Variants in ABI3BP observed in about 807,000 individuals in gnomAD.
The protein encoded by ABI3BP is ABI family member 3 binding protein, also known as target of Nesh-SH3.
In ABI3BP, 216 loss-of-function variants were observed where a neutral mutation model predicts 268.6. The observed-to-expected ratio is 0.80, with a 90% CI of 0.72 to 0.90. The LOEUF (loss-of-function observed/expected upper bound fraction) is 0.90, where lower values mean the gene tolerates loss of function less well. ABI3BP is among the 40% of genes least tolerant of loss of function. ABI3BP has a pLI of 0.00. For synonymous variants in ABI3BP, 730 were observed against 730.0 expected, an observed-to-expected ratio of 1.00 and a Z score of 0.00; for missense variants, 2,090 against 2,182.4, an observed-to-expected ratio of 0.96 and a Z score of 0.84.
At chr3:100,794,663 T>TTCTTAAGTATTC (rs1352257322) in intron 54 of ABI3BP, among the ~76,000 whole-genome samples, 1 of 151,950 alleles carries the variant, frequency 6.6e-6, no homozygotes, top group Non-Finnish European at 1.5e-5. Context: ...ATACTTAAAA[T>TTCTTAAGTATTC]TCTTAAGTAT....
chr3:100,992,746 G>A (rs1042185443), intron 1 of ABI3BP, among the ~76,000 whole-genome samples: 2 of 152,172 alleles, frequency 1.3e-5, no homozygotes, highest in African/African-American at 2.4e-5. Context: ...AAAGGGGGGA[G>A]TGTCCTGTCC....
intron 1 of ABI3BP, among the ~76,000 whole-genome samples, chr3:100,935,625 C>A (rs2065742450): frequency 1.3e-5 from 2 of 152,034 alleles, no homozygotes; most frequent in Non-Finnish European, 2.9e-5. Flanking sequence ...GAATGTTTTT[C>A]CATTTGTTTG....
intron 62 of ABI3BP, among the ~76,000 whole-genome samples, chr3:100,767,014 ATTTT>A (rs922750159): frequency 6.6e-6 from 1 of 151,380 alleles, no homozygotes; most frequent in Non-Finnish European, 1.5e-5. Context: ...TTGGGGGAGG[ATTTT>A]TTTTTGTTGG....
chr3:100,763,877 T>C (rs2096120645), intron 63 of ABI3BP, among the ~76,000 whole-genome samples: 1 of 152,174 alleles, frequency 6.6e-6, no homozygotes, highest in African/African-American at 2.4e-5. Context: ...ATAAACAGGC[T>C]CAAATACTAA....
intron 1 of ABI3BP, among the ~76,000 whole-genome samples, chr3:100,946,171 G>C (rs1267129655): frequency 1.3e-5 from 2 of 151,872 alleles, no homozygotes; most frequent in Non-Finnish European, 2.9e-5. Context: ...AGGCATTCGA[G>C]ACCAGCCTGG....
chr3:100,958,602 G>A (rs1330682750), intron 1 of ABI3BP, among the ~76,000 whole-genome samples: 1 of 126,942 alleles, frequency 7.9e-6, no homozygotes, highest in Non-Finnish European at 1.6e-5. Flanking sequence ...TCCCACCTTT[G>A]CGACAAGCAA....
chr3:100,754,214 T>A (rs533345647), intron 64 of ABI3BP, among the ~76,000 whole-genome samples: 3 of 152,230 alleles, frequency 2.0e-5, no homozygotes, highest in Non-Finnish European at 4.4e-5. Flanking sequence ...TATGCAAATA[T>A]TAATGCTGTA....
chr3:100,843,561 G>C (rs1167141528), intron 20 of ABI3BP: 1 of 980,962 alleles, frequency 1.0e-6, no homozygotes, highest in Non-Finnish European at 1.2e-6. Flanking sequence ...GAGAGAGAGA[G>C]AGAGAGGGAA....
intron 50 of ABI3BP, among the ~76,000 whole-genome samples, chr3:100,805,382 C>T (rs2097676299): frequency 6.6e-6 from 1 of 152,076 alleles, no homozygotes; most frequent in African/African-American, 2.4e-5. Context: ...CCCTGCATTT[C>T]TCTGGCTCCA....
At chr3:100,781,231 A>G (rs1247748234) in intron 57 of ABI3BP, among the ~76,000 whole-genome samples, 1 of 152,176 alleles carries the variant, frequency 6.6e-6, no homozygotes, top group African/African-American at 2.4e-5. Context: ...TATATACTTG[A>G]TCTCATTTAA....
intron 9 of ABI3BP, among the ~76,000 whole-genome samples, chr3:100,871,193 G>A (rs1245574172): frequency 6.6e-6 from 1 of 152,010 alleles, no homozygotes; most frequent in African/African-American, 2.4e-5. Flanking sequence ...CACACAAAGG[G>A]TAACTATGCA....
chr3:100,833,494 T>A (rs2098526067), intron 29 of ABI3BP, among the ~76,000 whole-genome samples: 1 of 152,226 alleles, frequency 6.6e-6, no homozygotes, highest in Non-Finnish European at 1.5e-5. Flanking sequence ...GTAGTTACAC[T>A]ATAAACTGGA....
chr3:100,907,912 G>T (rs1370483384), intron 2 of ABI3BP, among the ~76,000 whole-genome samples: 2 of 151,976 alleles, frequency 1.3e-5, no homozygotes, highest in Non-Finnish European at 2.9e-5. Flanking sequence ...TCAGGAGATC[G>T]AGACCATCCT....
intron 1 of ABI3BP, among the ~76,000 whole-genome samples, chr3:100,932,746 G>GT (rs1436185338): frequency 2.0e-5 from 3 of 152,144 alleles, no homozygotes; most frequent in Admixed American, 6.6e-5. Context: ...CACACTGCTA[G>GT]TGGGAATGTA....
At chr3:100,872,035 G>A (rs962121494) in intron 9 of ABI3BP, among the ~76,000 whole-genome samples, 1 of 151,964 alleles carries the variant, frequency 6.6e-6, no homozygotes, top group Admixed American at 6.6e-5. Flanking sequence ...GTAAAGATGG[G>A]GTCTTGCTAT....
chr3:100,980,461 A>AT (rs1182297037), intron 1 of ABI3BP, among the ~76,000 whole-genome samples: 9 of 152,144 alleles, frequency 5.9e-5, no homozygotes, highest in East Asian at 1.9e-4. Context: ...TGAAATACAC[A>AT]TTTTTTTCCA....
intron 63 of ABI3BP, among the ~76,000 whole-genome samples, chr3:100,760,397 A>G (rs1291292160): frequency 6.6e-6 from 1 of 152,218 alleles, no homozygotes; most frequent in African/African-American, 2.4e-5. Context: ...CCATTTGCCC[A>G]GCCAGTTCAT....
intron 1 of ABI3BP, among the ~76,000 whole-genome samples, chr3:100,929,221 T>C (rs1021103435): frequency 1.3e-5 from 2 of 152,060 alleles, no homozygotes; most frequent in Non-Finnish European, 2.9e-5. Flanking sequence ...AGCATCATCA[T>C]CACGTTAGAC....
chr3:100,989,296 C>T (rs1338990246), intron 1 of ABI3BP, among the ~76,000 whole-genome samples: 1 of 152,138 alleles, frequency 6.6e-6, no homozygotes, highest in Non-Finnish European at 1.5e-5. Flanking sequence ...AAGCACGAAA[C>T]AGACAAAGAC....
Sources: allele counts gnomAD v4.1 joint callset (sites outside exome capture counted in the v4.1 genomes callset), GRCh38; gene constraint gnomAD v4.1.1; transcripts MANE v1.5; gene names NCBI Gene and HGNC (gene_info 2026-07-23, HGNC 2026-07-21).